The following GRIK2 variants were observed in gnomAD, a reference collection of about 807,000 sequenced individuals.
GRIK2 encodes glutamate receptor ionotropic, kainate 2.
GRIK2 carries 32 observed loss-of-function variants against 100.3 expected under a neutral mutation model. The observed-to-expected ratio is 0.32, with a 90% confidence interval of 0.24 to 0.43. The LOEUF (loss-of-function observed/expected upper bound fraction) is 0.43, where lower values mean the gene tolerates loss of function less well. Among genes scored for constraint, GRIK2 ranks in the 20% least tolerant of loss-of-function variants. The pLI is 1.00. For synonymous variants in GRIK2, 417 were observed against 389.4 expected (o/e 1.07, Z -0.83); for missense variants, 843 against 1,114.9 (o/e 0.76, Z 3.47).
At chr6:101,551,396 T>C in intron 2 of GRIK2, among the ~76,000 whole-genome samples, 1 of 152,148 alleles carries the variant, frequency 6.6e-6, no homozygotes, top group East Asian at 1.9e-4. Context: ...TTTATTATAC[T>C]ATTCATTTTA....
At chr6:101,510,508 GAGTTT>G (rs1774243931) in intron 2 of GRIK2, among the ~76,000 whole-genome samples, 1 of 127,972 alleles carries the variant, frequency 7.8e-6, no homozygotes, top group Non-Finnish European at 1.6e-5. Flanking sequence ...CCCAGTTGGG[GAGTTT>G]TTTTTTTTTT....
chr6:102,056,540 C>G (rs1771470349), intron 16 of GRIK2, among the ~76,000 whole-genome samples: 1 of 151,936 alleles, frequency 6.6e-6, no homozygotes, highest in Non-Finnish European at 1.5e-5. Flanking sequence ...ACTTTAACCA[C>G]TGTGGCAGAG....
intron 7 of GRIK2, among the ~76,000 whole-genome samples, chr6:101,787,727 T>C (rs1254405388): frequency 6.6e-6 from 1 of 152,178 alleles, no homozygotes; most frequent in Non-Finnish European, 1.5e-5. Flanking sequence ...GGCCTTACAT[T>C]GTTTTTCCTG....
At chr6:102,046,311 CA>C (rs1770884178) in intron 15 of GRIK2, among the ~76,000 whole-genome samples, 1 of 151,992 alleles carries the variant, frequency 6.6e-6, no homozygotes, top group African/African-American at 2.4e-5. Context: ...GCTTGAACTG[CA>C]CTTTTGATAT....
intron 4 of GRIK2, among the ~76,000 whole-genome samples, chr6:101,665,301 C>T (rs1191564746): frequency 1.3e-5 from 2 of 152,140 alleles, no homozygotes; most frequent in African/African-American, 4.8e-5. Context: ...AAGACACCAC[C>T]TAGTAGGACT....
chr6:101,763,422 CTGTT>C (rs537444168), intron 7 of GRIK2, among the ~76,000 whole-genome samples: 1 of 152,270 alleles, frequency 6.6e-6, no homozygotes, highest in Admixed American at 6.5e-5. Context: ...AATTAACTAG[CTGTT>C]TGAATGTGTT....
intron 9 of GRIK2, among the ~76,000 whole-genome samples, chr6:101,817,921 T>G (rs2128421701): frequency 6.6e-6 from 1 of 152,300 alleles, no homozygotes; most frequent in Admixed American, 6.5e-5. Flanking sequence ...ATGCTTCCCT[T>G]AAGCCTACCT....
chr6:101,499,583 T>C (rs569975339), intron 2 of GRIK2, among the ~76,000 whole-genome samples: 1 of 152,302 alleles, frequency 6.6e-6, no homozygotes, highest in African/African-American at 2.4e-5. Context: ...TTGTTTCCTT[T>C]TGGAGAAAGT....
At chr6:101,573,784 G>A (rs1298078077) in intron 2 of GRIK2, among the ~76,000 whole-genome samples, 2 of 151,984 alleles carry the variant, frequency 1.3e-5, no homozygotes, top group Non-Finnish European at 2.9e-5. Flanking sequence ...TAAGCCTTCA[G>A]TATTTAACCA....
Position 101,952,488 on chromosome 6 carries a change from G to GT in GRIK2, c.2085+23866dup, listed in dbSNP as rs111895980. 5.5e-3 allele frequency among the ~76,000 whole-genome samples: 824 copies of GT among 148,746 alleles called. 3 individuals carry two copies. Among genetic ancestry groups the GT allele is most frequent in the African/African-American group, 0.016 (665 of 40,756 alleles). ...GAATTATAGTTCCAAGTTTTGTTCA[G>GT]TTTTTTTTTTAAATAAAAGCTCTAT... is the stretch of plus-strand genomic sequence containing the variant. On this transcript the variant is annotated intron_variant, in intron 14 of 16. Coordinates refer to ENST00000369134, the MANE Select transcript of GRIK2 (RefSeq NM_021956.5).
intron 7 of GRIK2, among the ~76,000 whole-genome samples, chr6:101,779,614 T>C (rs1231601154): frequency 6.6e-6 from 1 of 152,188 alleles, no homozygotes; most frequent in Admixed American, 6.5e-5. Context: ...CACATTCCAG[T>C]TGACAGGCGT....
intron 2 of GRIK2, among the ~76,000 whole-genome samples, chr6:101,549,094 T>C (rs951246343): frequency 6.6e-6 from 1 of 152,132 alleles, no homozygotes; most frequent in South Asian, 2.1e-4. Flanking sequence ...ATTTAGGGGA[T>C]ATTAAAAGTG....
At position 101,711,157 on chromosome 6, in the gene GRIK2, T is replaced by C. The variant is rs143842520; in HGVS notation, c.951+24804T>C. 6.6e-5 allele frequency among the ~76,000 whole-genome samples: 10 copies of C among 151,986 alleles called. No individual in the cohort carries two copies. In the East Asian group the frequency reaches 2.0e-3, roughly 30 times the overall value. ...ATCCCAATTAACATTTACTGTTTTT[T>C]ACATTGGTAACTTAATTGGCTGCTA... On this transcript the variant is annotated intron_variant, in intron 7 of 16. Transcript: ENST00000369134.
intron 2 of GRIK2, among the ~76,000 whole-genome samples, chr6:101,573,213 C>A (rs1777639515): frequency 1.3e-5 from 2 of 152,036 alleles, no homozygotes; most frequent in African/African-American, 4.8e-5. Flanking sequence ...GAAGGTGTTG[C>A]CTACTACAAG....
chr6:101,440,743 CAT>C (rs1343802341), intron 2 of GRIK2, among the ~76,000 whole-genome samples: 1 of 152,080 alleles, frequency 6.6e-6, no homozygotes, highest in African/African-American at 2.4e-5. Context: ...CACATTTACT[CAT>C]ATTTCTGTTT....
intron 7 of GRIK2, among the ~76,000 whole-genome samples, chr6:101,694,161 G>A (rs954426473): frequency 2.6e-5 from 4 of 152,040 alleles, no homozygotes; most frequent in Non-Finnish European, 5.9e-5. Context: ...ATTAATAAAA[G>A]CAATGAATGT....
At chr6:101,747,758 GAATT>G (rs1776512350) in intron 7 of GRIK2, among the ~76,000 whole-genome samples, 1 of 152,034 alleles carries the variant, frequency 6.6e-6, no homozygotes, top group African/African-American at 2.4e-5. Flanking sequence ...TACTAAATAA[GAATT>G]AAATATTGAT....
intron 7 of GRIK2, among the ~76,000 whole-genome samples, chr6:101,757,264 T>C (rs1385110061): frequency 6.6e-6 from 1 of 152,188 alleles, no homozygotes; most frequent in Non-Finnish European, 1.5e-5. Flanking sequence ...ATTTTACAAA[T>C]AAATCAATTA....
intron 7 of GRIK2, among the ~76,000 whole-genome samples, chr6:101,729,075 T>A (rs1359968782): frequency 6.6e-6 from 1 of 152,066 alleles, no homozygotes; most frequent in Admixed American, 6.6e-5. Flanking sequence ...ATAATTACAA[T>A]TATCCTTTCT....
Sources: allele counts gnomAD v4.1 joint callset (sites outside exome capture counted in the v4.1 genomes callset), GRCh38; gene constraint gnomAD v4.1.1; transcripts MANE v1.5; gene names NCBI Gene and HGNC (gene_info 2026-07-23, HGNC 2026-07-21).